DHTKD1: variants seen among roughly 807,000 people sequenced by gnomAD.
DHTKD1 encodes dehydrogenase E1 and transketolase domain containing 1.
DHTKD1 carries 78 observed loss-of-function variants against 101.8 expected under a neutral mutation model. The ratio of observed to expected loss-of-function variants is 0.77; its 90% confidence interval spans 0.64 to 0.93. DHTKD1 has a LOEUF of 0.93. Ranked by LOEUF, DHTKD1 falls within the 40% of genes least tolerant of loss-of-function variation. DHTKD1 has a pLI of 0.00. For missense variants in DHTKD1, 1,223 were observed against 1,161.7 expected (o/e 1.05, Z -0.77); for synonymous variants, 462 against 450.3 (o/e 1.03, Z -0.33).
At chr10:12,114,858 C>T (rs1833390049) in intron 13 of DHTKD1, among the ~76,000 whole-genome samples, 1 of 151,824 alleles carries the variant, frequency 6.6e-6, no homozygotes, top group East Asian at 2.0e-4. Flanking sequence ...TGCAGTGCTG[C>T]GATCTCGGCT....
intron 1 of DHTKD1, among the ~76,000 whole-genome samples, chr10:12,074,504 C>T (rs971582299): frequency 3.3e-4 from 50 of 151,944 alleles, no homozygotes; most frequent in African/African-American, 5.3e-4. Flanking sequence ...TACAGGTGCC[C>T]GCCACCATGC....
intron 2 of DHTKD1, among the ~76,000 whole-genome samples, chr10:12,082,701 A>G (rs1024944735): frequency 5.9e-5 from 9 of 151,966 alleles, no homozygotes; most frequent in African/African-American, 2.2e-4. Flanking sequence ...TCATAAAAGC[A>G]AACACGTTAA....
At chr10:12,114,963 T>C (rs1296719275) in intron 13 of DHTKD1, among the ~76,000 whole-genome samples, 2 of 152,024 alleles carry the variant, frequency 1.3e-5, no homozygotes, top group African/African-American at 4.8e-5. Context: ...GACCTGCTAA[T>C]TTTTTGTATT....
At chr10:12,085,750 G>A (rs1022561900) in intron 3 of DHTKD1, among the ~76,000 whole-genome samples, 1 of 151,960 alleles carries the variant, frequency 6.6e-6, no homozygotes, top group African/African-American at 2.4e-5. Context: ...AGCCTGATGT[G>A]GTGGAGCATA....
chr10:12,119,503 C>G (rs1478870026), intron 15 of DHTKD1, among the ~76,000 whole-genome samples: 2 of 149,824 alleles, frequency 1.3e-5, no homozygotes, highest in South Asian at 2.1e-4. Flanking sequence ...GTAGTCCCAG[C>G]TACTTGGGAG....
At chr10:12,084,481 ACAT>A (rs905356617) in intron 2 of DHTKD1, 56 bp from the exon 3 acceptor site, 2 of 1,119,724 alleles carry the variant, frequency 1.8e-6, no homozygotes, top group African/African-American at 1.5e-5. Context: ...AATAATCTCA[ACAT>A]CATGTTAAGG....
chr10:12,095,639 G>C (rs897407669), intron 7 of DHTKD1, among the ~76,000 whole-genome samples: 3 of 150,648 alleles, frequency 2.0e-5, no homozygotes, highest in Non-Finnish European at 3.0e-5. Context: ...CGGTGAAACC[G>C]CGTCTCTACT....
chr10:12,099,490 C>A (rs540728125), intron 8 of DHTKD1, among the ~76,000 whole-genome samples: 2 of 152,168 alleles, frequency 1.3e-5, no homozygotes, highest in South Asian at 4.1e-4. Context: ...GGTTCAAGAC[C>A]AGTCTGACCA....
chr10:12,096,121 A>G (rs1188563146), intron 7 of DHTKD1, among the ~76,000 whole-genome samples: 4 of 152,282 alleles, frequency 2.6e-5, no homozygotes, highest in African/African-American at 4.8e-5. Flanking sequence ...TTTCTGTCCC[A>G]TGGTGCTGAT....
At position 12,113,055 on chromosome 10, in the gene DHTKD1, C is replaced by T. The variant is rs200406713; in HGVS notation, c.2310C>T (p.Leu770=). The change falls in exon 13 of 17, where the codon CTC becomes CTT. Residue 770 remains leucine (L), a synonymous_variant. Coordinates refer to ENST00000263035, the MANE Select transcript of DHTKD1 (RefSeq NM_018706.7). ...TTGTTGCTTCCCCTAAGATGTTACT[C>T]AGGCTCCCGGTAAGCAGAAGGTGGT... is the stretch of plus-strand genomic sequence containing the variant. ...PLIVASPKML[L]RLPAAVSTLQ... is the part of the protein sequence containing the mutation. 2 of 1,607,862 alleles carry T rather than the reference C, an allele frequency of 1.2e-6. No individual in the cohort carries two copies. The highest frequency in any genetic ancestry group is 4.5e-5 in the East Asian group (2 of 44,516).
intron 15 of DHTKD1, among the ~76,000 whole-genome samples, chr10:12,119,149 A>G (rs1003669618): frequency 9.9e-5 from 15 of 150,936 alleles, no homozygotes; most frequent in Admixed American, 9.9e-4. Flanking sequence ...TACTAAAAGT[A>G]CAAAAAATTA....
intron 10 of DHTKD1, among the ~76,000 whole-genome samples, chr10:12,104,846 T>C (rs956965234): frequency 2.6e-5 from 4 of 151,958 alleles, no homozygotes; most frequent in African/African-American, 9.7e-5. Flanking sequence ...ATGACTACCA[T>C]GTATTTCTCA....
Position 12,121,218 on chromosome 10 carries a change from TCA to T in DHTKD1, c.*331_*332del. On this transcript the variant is annotated 3_prime_UTR_variant, in exon 17 of 17. Coordinates refer to ENST00000263035, the MANE Select transcript of DHTKD1 (RefSeq NM_018706.7). ...CTGGGTGACAGAGCAAGACTGCGTT[TCA>T]AAAAAAAAAAAAAAAAAACCCATTA... 6.4e-5 allele frequency: 1 copy of T among 15,530 alleles called. No homozygotes were observed. Among genetic ancestry groups the T allele is most frequent in the Non-Finnish European group, 1.6e-4 (1 of 6,418 alleles). 1.0% of individuals were successfully genotyped at this position (15,530 alleles called of 1,614,324 possible). A position where few individuals can be genotyped will look rare whatever the true frequency, so the allele number is the denominator to read the frequency against.
At chr10:12,101,618 T>C (rs1259553693) in intron 10 of DHTKD1, among the ~76,000 whole-genome samples, 6 of 152,314 alleles carry the variant, frequency 3.9e-5, no homozygotes, top group African/African-American at 1.4e-4. Flanking sequence ...TTTCTTTTTT[T>C]TCGGAGACTT....
intron 2 of DHTKD1, 74 bp downstream of exon 2, chr10:12,081,701 A>C: frequency 3.2e-6 from 5 of 1,563,344 alleles, no homozygotes; most frequent in Non-Finnish European, 3.5e-6. Flanking sequence ...TTCTTGAAGA[A>C]GCAGCATCCC....
rs11257527 is a variant in DHTKD1, at chr10:12,084,491, A to G, written c.311-49A>G. 11 of 1,204,436 alleles carry G rather than the reference A, an allele frequency of 9.1e-6. No individual in the cohort carries two copies. The African/African-American group carries it at 1.5e-4, about 16-fold the overall frequency. The allele number at this position is 1,204,436 out of a possible 1,614,324, so 74.6% of individuals were successfully genotyped here. A position where few individuals can be genotyped will look rare whatever the true frequency, so the allele number is the denominator to read the frequency against. On this transcript the variant is annotated intron_variant, in intron 2 of 16. Transcript: ENST00000263035. The stretch of plus-strand genomic sequence containing the variant: ...TATATAATAATCTCAACATCATGTT[A>G]AGGAACATGATTATTTTTTAAGATG...
At chr10:12,083,462 T>TACA (rs1832853302) in intron 2 of DHTKD1, among the ~76,000 whole-genome samples, 11 of 152,194 alleles carry the variant, frequency 7.2e-5, no homozygotes, top group Admixed American at 2.0e-4. Flanking sequence ...GGGCCGGGTG[T>TACA]GGTGGCTTAT....
At chr10:12,100,973 T>A (rs972089628) in intron 9 of DHTKD1, 69 bp from the exon 10 acceptor site, 2 of 1,531,368 alleles carry the variant, frequency 1.3e-6, no homozygotes, top group Non-Finnish European at 1.8e-6. Context: ...ATATAAGAAT[T>A]TACAGTCACC....
chr10:12,069,370 C>G (rs1348811564), intron 1 of DHTKD1, among the ~76,000 whole-genome samples, 183 bp downstream of exon 1: 1 of 152,118 alleles, frequency 6.6e-6, no homozygotes, highest in Non-Finnish European at 1.5e-5. Flanking sequence ...GGGGTCATCC[C>G]CCGTCCATCC....
Sources: gnomAD v4.1 joint callset for allele counts (sites outside exome capture counted in the v4.1 genomes callset) on GRCh38, gnomAD v4.1.1 for gene constraint, MANE v1.5 for transcripts, NCBI Gene and HGNC (gene_info 2026-07-23, HGNC 2026-07-21) for gene names.